PKD1L3: variants seen among roughly 807,000 people sequenced by gnomAD.
The protein encoded by PKD1L3 is polycystin 1 like 3, transient receptor potential channel interacting, also known as polycystin-1-like protein 3.
Under a neutral mutation model 184.1 loss-of-function variants are expected in PKD1L3, and 239 were observed. The observed-to-expected ratio is 1.30, with a 90% CI of 1.17 to 1.45. The LOEUF is 1.45. Ranked by LOEUF, PKD1L3 falls within the 40% of genes most tolerant of loss-of-function variation. PKD1L3 has a pLI of 0.00. For missense variants in PKD1L3, 2,660 were observed against 2,067.2 expected, an observed-to-expected ratio of 1.29 and a Z score of -5.56; for synonymous variants, 996 against 778.8, an observed-to-expected ratio of 1.28 and a Z score of -4.64.
At position 71,944,153 on chromosome 16, in the gene PKD1L3, C is replaced by T. The variant is rs547268544; in HGVS notation, c.3736G>A (p.Val1246Ile). ...LALLAKCSSS[V>I]PGSRDKNNPV... ...TTGTTCTTATCTCTTGAACCTGGTA[C>T]TGACGAAGAACATTTTGCTGTCAAA... Residue 1246 changes from valine (V) to isoleucine (I), a missense_variant, in exon 23 of 30, where the codon GTA (valine) becomes ATA (isoleucine). Transcript: ENST00000620267. 4.8e-5 allele frequency: 75 copies of T among 1,549,900 alleles called. 1 individual carries two copies. The South Asian group carries it at 7.5e-4, about 16-fold the overall frequency.
intron 4 of PKD1L3, among the ~76,000 whole-genome samples, chr16:71,989,577 G>C (rs184269786): frequency 1.3e-5 from 2 of 152,348 alleles, no homozygotes; most frequent in East Asian, 1.9e-4. Flanking sequence ...AGAATGCTGA[G>C]AGATTTCTTG....
intron 16 of PKD1L3, among the ~76,000 whole-genome samples, chr16:71,961,942 G>A (rs1384039312): frequency 6.6e-6 from 1 of 152,170 alleles, no homozygotes; most frequent in Admixed American, 6.6e-5. Context: ...ATGTAAGGAC[G>A]TGGTGTTTGG....
At position 71,963,259 on chromosome 16, in the gene PKD1L3, C is replaced by G; in HGVS notation, c.2558G>C (p.Cys853Ser). The G allele has an allele frequency of 1.9e-6, 3 of 1,550,202 alleles. No individual in the cohort carries two copies. Among genetic ancestry groups the G allele is most frequent in the Non-Finnish European group, 2.6e-6 (3 of 1,146,098 alleles). The change falls in exon 16 of 30, where the codon TGT (cysteine) becomes TCT (serine). Residue 853 changes from cysteine (C) to serine (S), a missense_variant. By Grantham distance (112) the Cys-to-Ser change is moderately radical. Transcript: ENST00000620267. ...NCWLAVDLGD[C>S]ELDRVFIPVS... Reference sequence around the variant, plus strand: ...TGGGATGAAGACCCGGTCAAGCTCACAGTCTCCGAGGTCCACAGCCAGCCA... The same window carrying G: ...TGGGATGAAGACCCGGTCAAGCTCAGAGTCTCCGAGGTCCACAGCCAGCCA...
chr16:71,974,864 G>T (rs149183125), intron 11 of PKD1L3, among the ~76,000 whole-genome samples: 1 of 152,170 alleles, frequency 6.6e-6, no homozygotes, highest in African/African-American at 2.4e-5. Flanking sequence ...GAGAGCCAGA[G>T]AAAGTTCTTT....
At chr16:71,932,064 G>A (rs1348713545) in intron 28 of PKD1L3, among the ~76,000 whole-genome samples, 2 of 152,170 alleles carry the variant, frequency 1.3e-5, no homozygotes, top group African/African-American at 2.4e-5. Flanking sequence ...ATTTTAAAAT[G>A]TGTGTTATAT....
chr16:71,980,265 G>A (rs1166375705), intron 7 of PKD1L3, 131 bp from the exon 8 acceptor site: 1 of 1,229,744 alleles, frequency 8.1e-7, no homozygotes, highest in Non-Finnish European at 1.1e-6. Flanking sequence ...CCTTAGAGAG[G>A]ACCTTGGAAT....
intron 24 of PKD1L3, among the ~76,000 whole-genome samples, chr16:71,941,279 G>A (rs1248991320): frequency 6.6e-6 from 1 of 151,756 alleles, no homozygotes; most frequent in East Asian, 1.9e-4. Flanking sequence ...GAGTTAAGAG[G>A]ATATTGCATC....
At chr16:71,971,467 C>T (rs2039706156) in intron 12 of PKD1L3, among the ~76,000 whole-genome samples, 1 of 152,104 alleles carries the variant, frequency 6.6e-6, no homozygotes, top group Non-Finnish European at 1.5e-5. Context: ...ATCTAGTCTG[C>T]CTTTGGAAGA....
chr16:71,999,270 C>CAAAAAA (rs371727093), intron 1 of PKD1L3, among the ~76,000 whole-genome samples: 1 of 102,566 alleles, frequency 9.7e-6, no homozygotes, highest in African/African-American at 3.8e-5. Flanking sequence ...GACTCCATCT[C>CAAAAAA]AAAAAAAAAA....
At chr16:71,935,663 T>C in intron 25 of PKD1L3, 145 bp from the exon 26 acceptor site, 1 of 752,458 alleles carries the variant, frequency 1.3e-6, no homozygotes, top group Non-Finnish European at 2.1e-6. Context: ...AAATGGGTTA[T>C]GGTCTTAGTT....
intron 26 of PKD1L3, among the ~76,000 whole-genome samples, 151 bp from the exon 27 acceptor site, chr16:71,934,276 G>A (rs111354024): frequency 0.012 from 1,857 of 152,286 alleles, 14 homozygotes; most frequent in Non-Finnish European, 0.018. Context: ...GTGGCCTCCT[G>A]TGAGTTGTGG....
chr16:71,938,227 C>T (rs1265125719), intron 24 of PKD1L3, among the ~76,000 whole-genome samples: 3 of 152,246 alleles, frequency 2.0e-5, no homozygotes, highest in Non-Finnish European at 4.4e-5. Context: ...GATTTTGGAG[C>T]AAAGTTTTGG....
intron 6 of PKD1L3, among the ~76,000 whole-genome samples, chr16:71,983,666 T>TC (rs1279536031): frequency 1.5e-4 from 17 of 111,378 alleles, no homozygotes; most frequent in African/African-American, 7.7e-4. Context: ...TCTCTTTCTT[T>TC]TTTTTTTTTT....
chr16:71,976,262 G>GTATTTTTTTTT (rs1567534640), intron 11 of PKD1L3, among the ~76,000 whole-genome samples: 11 of 25,206 alleles, frequency 4.4e-4, no homozygotes, highest in African/African-American at 1.9e-3. Context: ...TGCCCAGCCT[G>GTATTTTTTTTT]TCTTTTTTTT....
chr16:71,937,990 T>C (rs1295069532), intron 24 of PKD1L3, among the ~76,000 whole-genome samples: 1 of 152,176 alleles, frequency 6.6e-6, no homozygotes, highest in Non-Finnish European at 1.5e-5. Flanking sequence ...TGGCCGGGGC[T>C]TTGTGCGCTG....
In PKD1L3 at chr16:71,987,842, G is replaced by A. The variant is rs1193147910; in HGVS notation, c.586-1373C>T. On this transcript the variant is annotated intron_variant, in intron 4 of 29. Coordinates refer to ENST00000620267, the MANE Select transcript of PKD1L3 (RefSeq NM_181536.2). ...GCTGAGTTGAATACAGGGAGAGAGA[G>A]AGCTCTGCCCATAGGTTAGTGACGG... 2.6e-5 allele frequency among the ~76,000 whole-genome samples: 4 copies of A among 152,108 alleles called. No homozygotes were observed. In the East Asian group the frequency reaches 7.7e-4, roughly 29 times the overall value.
At chr16:71,962,970 G>C (rs2039339762) in intron 16 of PKD1L3, among the ~76,000 whole-genome samples, 1 of 152,154 alleles carries the variant, frequency 6.6e-6, no homozygotes, top group South Asian at 2.1e-4. Context: ...TAGGTAAACA[G>C]TTTCAGAAAA....
intron 16 of PKD1L3, 131 bp from the exon 17 acceptor site, chr16:71,954,432 G>A (rs2143421812): frequency 1.8e-6 from 1 of 558,144 alleles, no homozygotes; most frequent in African/African-American, 1.9e-5. Context: ...CTGTGAATAA[G>A]CTTTCAGATA....
At chr16:71,946,335 G>A (rs974755879) in intron 22 of PKD1L3, among the ~76,000 whole-genome samples, 2 of 152,168 alleles carry the variant, frequency 1.3e-5, no homozygotes, top group African/African-American at 4.8e-5. Flanking sequence ...TCCCTCACAG[G>A]TAGTCCTTTC....
Sources: gnomAD v4.1 joint callset for allele counts (sites outside exome capture counted in the v4.1 genomes callset) on GRCh38, gnomAD v4.1.1 for gene constraint, MANE v1.5 for transcripts, NCBI Gene and HGNC (gene_info 2026-07-23, HGNC 2026-07-21) for gene names.